Variants in DCTN1 observed in about 807,000 individuals in gnomAD.
DCTN1 encodes dynactin subunit 1.
A neutral mutation model predicts 161.2 loss-of-function variants in DCTN1; 61 were observed. The observed-to-expected ratio is 0.38, with a 90% CI of 0.31 to 0.47. The LOEUF (loss-of-function observed/expected upper bound fraction) is 0.47, where lower values mean the gene tolerates loss of function less well. Among genes scored for constraint, DCTN1 ranks in the 20% least tolerant of loss-of-function variants. The pLI is 0.99. For missense variants in DCTN1, 1,404 were observed against 1,623.7 expected, an observed-to-expected ratio of 0.86 and a Z score of 2.33; for synonymous variants, 653 against 632.4, an observed-to-expected ratio of 1.03 and a Z score of -0.49.
At chr2:74,389,178 T>C (rs1675880109) in intron 1 of DCTN1, among the ~76,000 whole-genome samples, 1 of 152,112 alleles carries the variant, frequency 6.6e-6, no homozygotes, top group Non-Finnish European at 1.5e-5. Context: ...CCAGACTAAA[T>C]AGCTAACCTG....
At position 74,361,332 on chromosome 2, in the gene DCTN1, G is replaced by C. The variant is rs142053202; in HGVS notation, c.*167C>G. On this transcript the variant is annotated 3_prime_UTR_variant, in exon 32 of 32. Coordinates refer to ENST00000628224, the MANE Select transcript of DCTN1 (RefSeq NM_004082.5). ...CCAGGGAATGGGAGTGGGGGAACCC[G>C]GGTCAAGGTGAAGGGGCAGGACGCT... 10 of 960,334 alleles carry C rather than the reference G, an allele frequency of 1.0e-5. No homozygotes were observed. The highest frequency in any genetic ancestry group is 1.6e-5 in the Non-Finnish European group (10 of 622,894). 59.5% of individuals were successfully genotyped at this position (960,334 alleles called of 1,614,324 possible).
In DCTN1 at chr2:74,365,160, C is replaced by G; in HGVS notation, c.3111G>C (p.Leu1037=). ...EAEKAELKQR[L]NSQSKRTIEG... is the part of the protein sequence containing the mutation. Reference sequence around the variant, plus strand: ...CAATCGTGCGTTTGGACTGGCTGTTCAGACGCTGCTTTAGTTCTGCCTTCT... The same window carrying G: ...CAATCGTGCGTTTGGACTGGCTGTTGAGACGCTGCTTTAGTTCTGCCTTCT... The change falls in exon 26 of 32, where the codon CTG becomes CTC. Residue 1037 remains leucine (L), a synonymous_variant. Coordinates refer to ENST00000628224, the MANE Select transcript of DCTN1 (RefSeq NM_004082.5). The G allele has an allele frequency of 6.2e-7, 1 of 1,614,182 alleles. No individual in the cohort carries two copies. Among genetic ancestry groups the G allele is most frequent in the Non-Finnish European group, 8.5e-7 (1 of 1,180,038 alleles).
At position 74,365,174 on chromosome 2, in the gene DCTN1, G is replaced by A. The variant is rs541856964; in HGVS notation, c.3097C>T (p.Leu1033=). Residue 1033 remains leucine, a synonymous_variant, in exon 26 of 32, where the codon CTA becomes TTA. Transcript: ENST00000628224. Reference sequence around the variant, plus strand: ...GACTGGCTGTTCAGACGCTGCTTTAGTTCTGCCTTCTCTGCCTCCAGCTGG... The same window carrying A: ...GACTGGCTGTTCAGACGCTGCTTTAATTCTGCCTTCTCTGCCTCCAGCTGG... ...IDQLEAEKAE[L]KQRLNSQSKR... 2 of 1,614,222 alleles carry A rather than the reference G, an allele frequency of 1.2e-6. No individual in the cohort carries two copies. Among genetic ancestry groups the A allele is most frequent in the East Asian group, 2.2e-5 (1 of 44,890 alleles).
Position 74,380,257 on chromosome 2 carries a change from G to T in DCTN1, c.-220C>A. ...GAGCAAGTCCCCTCTGCTGCCTGAG[G>T]ATTCCTGAACCCAGAGACACAGAAT... is the stretch of plus-strand genomic sequence containing the variant. On this transcript the variant is annotated 5_prime_UTR_variant, in exon 1 of 32. Coordinates refer to ENST00000628224, the MANE Select transcript of DCTN1 (RefSeq NM_004082.5). 1.6e-6 allele frequency: 1 copy of T among 634,296 alleles called. No homozygotes were observed. Among genetic ancestry groups the T allele is most frequent in the Non-Finnish European group, 2.9e-6 (1 of 348,672 alleles). The allele number at this position is 634,296 out of a possible 1,614,324, so 39.3% of individuals were successfully genotyped here.
rs151150356 is a variant in DCTN1 at position 74,361,396 on chromosome 2, T to C, written c.*103A>G. 2.0e-4 allele frequency: 305 copies of C among 1,550,464 alleles called. No individual in the cohort carries two copies. In the African/African-American group the frequency reaches 3.4e-3, roughly 17 times the overall value. On this transcript the variant is annotated 3_prime_UTR_variant, in exon 32 of 32. Transcript: ENST00000628224. ...TGAAGCTGAACGGGGCAGGAAGAGCTTAACCCACGTTTCTACCTGGGGGCT... is the reference window on the plus strand; with the variant it reads ...TGAAGCTGAACGGGGCAGGAAGAGCCTAACCCACGTTTCTACCTGGGGGCT...
chr2:74,373,225 A>G, intron 6 of DCTN1: 1 of 526,374 alleles, frequency 1.9e-6, no homozygotes, highest in South Asian at 2.0e-5. Flanking sequence ...AAATCCCAGA[A>G]GTCCATCTCT....
intron 23 of DCTN1, 105 bp downstream of exon 23, chr2:74,366,139 C>T: frequency 6.2e-7 from 1 of 1,610,596 alleles, no homozygotes; most frequent in South Asian, 1.1e-5. Flanking sequence ...ATGGTGCTCT[C>T]CAGATGCCTT....
chr2:74,371,330 A>G (rs1043737772), intron 8 of DCTN1, 154 bp from the exon 9 acceptor site: 4 of 1,531,478 alleles, frequency 2.6e-6, no homozygotes, highest in Non-Finnish European at 1.8e-6. Flanking sequence ...AGGAAACCGT[A>G]GCACAGTATA....
chr2:74,367,789 G>C lies in DCTN1; in HGVS notation c.2091C>G (p.Arg697=), dbSNP rs1427803026. The C allele has an allele frequency of 1.9e-6, 3 of 1,614,142 alleles. No individual in the cohort carries two copies. The highest frequency in any genetic ancestry group is 2.7e-5 in the African/African-American group (2 of 75,000). ...SLYPEMSAHE[R]SLDFLIELLH... ...GCAGTTCAATGAGGAAATCCAAGGA[G>C]CGCTCATGGGCACTCATCTCAGGGT... Residue 697 remains arginine (R), a synonymous_variant, in exon 18 of 32, where the codon CGC becomes CGG. Transcript: ENST00000628224.
At position 74,369,224 on chromosome 2, in the gene DCTN1, G is replaced by A. The variant is rs1573159255; in HGVS notation, c.1585-10C>T. 1 of 1,614,066 alleles carries A rather than the reference G, an allele frequency of 6.2e-7. No individual in the cohort carries two copies. The highest frequency in any genetic ancestry group is 1.3e-5 in the African/African-American group (1 of 74,926). Reference sequence around the variant, plus strand: ...GTTCCCGATTCACATCCTAGGAGGAGAGACAGTGAAGCACAGCTGGGTCAT... The same window carrying A: ...GTTCCCGATTCACATCCTAGGAGGAAAGACAGTGAAGCACAGCTGGGTCAT... On this transcript the variant is annotated splice_polypyrimidine_tract_variant and intron_variant, in intron 14 of 31. Transcript: ENST00000628224. The surrounding 1 kb of genome is among the most constrained non-coding windows in gnomAD (Gnocchi z 4.9).
chr2:74,380,032 T>C lies in DCTN1; in HGVS notation c.6A>G (p.Ala2=), dbSNP rs1351936411. Residue 2 remains alanine (A), a synonymous_variant, in exon 1 of 32, where the codon GCA becomes GCG. Transcript: ENST00000628224. M[A]QSKRHVYSRT... is the part of the protein sequence containing the mutation. Reference sequence around the variant, plus strand: ...GGCTGTACACGTGCCTCTTGCTCTGTGCCATGTTGCTCACCCGGCCTCTAC... The same window carrying C: ...GGCTGTACACGTGCCTCTTGCTCTGCGCCATGTTGCTCACCCGGCCTCTAC... 6.2e-7 allele frequency: 1 copy of C among 1,614,128 alleles called. No homozygotes were observed. The highest frequency in any genetic ancestry group is 1.3e-5 in the African/African-American group (1 of 75,034).
upstream of DCTN1, chr2:74,380,622 C>T (rs1675473580): frequency 4.3e-5 from 20 of 468,258 alleles, 1 homozygote; most frequent in South Asian, 3.1e-4. Context: ...TCTCATCTAC[C>T]TTTCTGGTGC....
At chr2:74,371,253 C>G (rs1674821646) in intron 8 of DCTN1, 77 bp from the exon 9 acceptor site, 1 of 1,606,176 alleles carries the variant, frequency 6.2e-7, no homozygotes, top group African/African-American at 1.3e-5. Flanking sequence ...GCAAAGAACA[C>G]AAGAAAGTGT....
At chr2:74,367,279 G>A (rs1674491233) in intron 19 of DCTN1, 73 bp downstream of exon 19, 15 of 1,580,902 alleles carry the variant, frequency 9.5e-6, no homozygotes, top group Non-Finnish European at 1.3e-5. Context: ...CTTCTTGGGT[G>A]CCTGATCTCT....
chr2:74,361,693 C>T (rs1674006015), intron 31 of DCTN1, 57 bp from the exon 32 acceptor site: 1 of 1,611,908 alleles, frequency 6.2e-7, no homozygotes. Flanking sequence ...GAGCTGTGGG[C>T]CACTGAAGGG....
intron 5 of DCTN1, among the ~76,000 whole-genome samples, chr2:74,375,431 G>A (rs1573174484): frequency 6.6e-6 from 1 of 152,204 alleles, no homozygotes; most frequent in Non-Finnish European, 1.5e-5. Context: ...TCCGGGGTGG[G>A]GGCACTCAAC....
At chr2:74,366,079 C>T in intron 23 of DCTN1, 61 bp from the exon 24 acceptor site, 1 of 1,613,436 alleles carries the variant, frequency 6.2e-7, no homozygotes, top group Non-Finnish European at 8.5e-7. Flanking sequence ...CATCACTGTG[C>T]TCCTTACAGA....
At chr2:74,377,098 T>C (rs1055503341) in intron 4 of DCTN1, among the ~76,000 whole-genome samples, 9 of 152,182 alleles carry the variant, frequency 5.9e-5, no homozygotes, top group African/African-American at 2.2e-4. Flanking sequence ...ACCTTAACCT[T>C]ACCCTCAGAC....
rs368531137 is a variant in DCTN1 at position 74,367,860 on chromosome 2, G to C, written c.2020C>G (p.Leu674Val). ...TACACATCCACACTGCACTGAGAGAGGGCACTAGAGACCAGAGAAGGGCAC... is the reference window on the plus strand; with the variant it reads ...TACACATCCACACTGCACTGAGAGACGGCACTAGAGACCAGAGAAGGGCAC... ...QATLHRYEHA[L>V]SQCSVDVYKK... Residue 674 changes from leucine to valine, a missense_variant, in exon 18 of 32, where the codon CTC becomes GTC. By Grantham distance (32) the Leu-to-Val change is conservative. Coordinates refer to ENST00000628224, the MANE Select transcript of DCTN1 (RefSeq NM_004082.5). 1 of 1,614,194 alleles carries C rather than the reference G, an allele frequency of 6.2e-7. No individual in the cohort carries two copies. The highest frequency in any genetic ancestry group is 2.2e-5 in the East Asian group (1 of 44,882).
Sources: allele counts gnomAD v4.1 joint callset (sites outside exome capture counted in the v4.1 genomes callset), GRCh38; gene constraint gnomAD v4.1.1; non-coding constraint Gnocchi (gnomAD v3.1); transcripts MANE v1.5; gene names NCBI Gene and HGNC (gene_info 2026-07-23, HGNC 2026-07-21).